Variants in HNRNPL observed in about 807,000 individuals in gnomAD.
The protein encoded by HNRNPL is epididymis secretory sperm binding protein.
In HNRNPL, 12 loss-of-function variants were observed where a neutral mutation model predicts 64.0. That is an observed-to-expected ratio of 0.19 (90% CI 0.12 to 0.30). HNRNPL has a LOEUF of 0.30. Among genes scored for constraint, HNRNPL ranks in the 10% least tolerant of loss-of-function variants. The pLI is 1.00. For missense variants in HNRNPL, 484 were observed against 797.4 expected (o/e 0.61, Z 4.73); for synonymous variants, 385 against 313.0 (o/e 1.23, Z -2.43).
intron 11 of HNRNPL, 33 bp downstream of exon 11, chr19:38,837,561 A>G (rs554861876): frequency 1.2e-6 from 2 of 1,612,354 alleles, no homozygotes; most frequent in African/African-American, 2.7e-5. Flanking sequence ...CCACCATGCA[A>G]TTAGGGCAAG....
chr19:38,839,288 C>G (rs552929532), intron 8 of HNRNPL: 1 of 427,376 alleles, frequency 2.3e-6, no homozygotes, highest in Non-Finnish European at 4.4e-6. Context: ...GAAATCAAAT[C>G]AGCCATTTTC....
intron 10 of HNRNPL, among the ~76,000 whole-genome samples, chr19:38,837,989 C>T (rs1320253029): frequency 2.6e-5 from 4 of 152,200 alleles, no homozygotes; most frequent in African/African-American, 7.2e-5. Context: ...TCCTCCCTTC[C>T]GCTGCCTCAG....
At chr19:38,850,831 A>G (rs1839153350), upstream of HNRNPL, among the ~76,000 whole-genome samples, 1 of 152,148 alleles carries the variant, frequency 6.6e-6, no homozygotes, top group African/African-American at 2.4e-5. Context: ...CTGTCTTCGG[A>G]CCCTGTCCAG....
intron 8 of HNRNPL, chr19:38,839,692 G>A (rs745799035): frequency 4.8e-5 from 10 of 206,710 alleles, no homozygotes; most frequent in Non-Finnish European, 9.9e-5. Flanking sequence ...CCTGGTCTCA[G>A]GTAGACACTC....
In HNRNPL at chr19:38,847,341, C is replaced by A. The variant is rs760598448; in HGVS notation, c.361G>T (p.Ala121Ser). ...CTGATGGGTCCAAACTCCTGCAAGG[C>A]CTCCACAAGGTCTGCTTCCACCACA... ...DGVVEADLVE[A>S]LQEFGPISYV... Residue 121 changes from alanine (A) to serine (S), a missense_variant, in exon 2 of 13, where the codon GCC (alanine) becomes TCC (serine). By Grantham distance (99) the Ala-to-Ser change is moderately conservative. This residue lies in a region of HNRNPL where 23 missense variants were observed against 70.8 expected (regional missense o/e 0.32). Transcript: ENST00000221419. 11 of 1,533,844 alleles carry A rather than the reference C, an allele frequency of 7.2e-6. No individual in the cohort carries two copies. The highest frequency in any genetic ancestry group is 7.9e-6 in the Non-Finnish European group (9 of 1,136,042).
At chr19:38,851,900 C>T (rs1274892773), upstream of HNRNPL, among the ~76,000 whole-genome samples, 1 of 152,138 alleles carries the variant, frequency 6.6e-6, no homozygotes, top group Non-Finnish European at 1.5e-5. Flanking sequence ...CCGACCACGC[C>T]AACGGAACAG....
At chr19:38,841,143 A>G (rs1972104071) in intron 6 of HNRNPL, 1 of 221,814 alleles carries the variant, frequency 4.5e-6, no homozygotes, top group Admixed American at 5.3e-5. Flanking sequence ...AATCAGTTCA[A>G]ATAAGCAATC....
intron 7 of HNRNPL, 31 bp from the exon 8 acceptor site, chr19:38,840,407 C>T (rs1288491064): frequency 4.5e-6 from 7 of 1,565,734 alleles, no homozygotes; most frequent in Admixed American, 1.9e-5. Context: ...AGAGGGAGGA[C>T]GGGTGAGAAT....
chr19:38,839,169 G>A (rs2071954851), intron 8 of HNRNPL, 154 bp from the exon 9 acceptor site: 4 of 870,966 alleles, frequency 4.6e-6, no homozygotes, highest in Non-Finnish European at 7.1e-6. Context: ...CCCACACCAA[G>A]TGCTCAACCC....
In HNRNPL at chr19:38,840,513, G is replaced by A. The variant is rs1355857011; in HGVS notation, c.927C>T (p.Leu309=). ...CATATTCTGCGGGGTGATCTCCCAGGAGAGGGGGCTGCCTCTGGCGTTTGT... is the reference window on the plus strand; with the variant it reads ...CATATTCTGCGGGGTGATCTCCCAGAAGAGGGGGCTGCCTCTGGCGTTTGT... ...NPNKRQRQPP[L]LGDHPAEYGG... is the part of the protein sequence containing the mutation. Residue 309 remains leucine (L), a synonymous_variant, in exon 7 of 13, where the codon CTC becomes CTT. Coordinates refer to ENST00000221419, the MANE Select transcript of HNRNPL (RefSeq NM_001533.3). 3 of 1,593,640 alleles carry A rather than the reference G, an allele frequency of 1.9e-6. No homozygotes were observed. The highest frequency in any genetic ancestry group is 2.6e-6 in the Non-Finnish European group (3 of 1,170,926).
chr19:38,847,620 G>C (rs577823657), intron 1 of HNRNPL, 186 bp from the exon 2 acceptor site: 1 of 359,950 alleles, frequency 2.8e-6, no homozygotes, highest in African/African-American at 2.1e-5. Flanking sequence ...CAGCAGAACA[G>C]TGGTCCTGAG....
chr19:38,849,405 G>GCCGCGTGCCCGGCCCCCACACGCCAGC, intron 1 of HNRNPL: 2 of 358,434 alleles, frequency 5.6e-6, no homozygotes, highest in Non-Finnish European at 1.0e-5. Context: ...AACCGGCCGG[G>GCCGCGTGCCCGGCCCCCACACGCCAGC]CCGCGTGCCC....
chr19:38,837,646 G>A lies in HNRNPL; in HGVS notation c.1563C>T (p.Cys521=), dbSNP rs537258025. Residue 521 remains cysteine (C), a synonymous_variant, in exon 11 of 13, where the codon TGC becomes TGT. Transcript: ENST00000221419. ...EVTEENFFEI[C]DELGVKRPSS... ...ATGGCCGCTTCACTCCCAGCTCATC[G>A]CAGATCTGCAAAAGAAAACAGGTAG... The A allele has an allele frequency of 2.7e-5, 44 of 1,614,076 alleles. No individual in the cohort carries two copies. Among genetic ancestry groups the A allele is most frequent in the South Asian group, 2.5e-4 (23 of 91,076 alleles).
chr19:38,847,223 CA>C, intron 2 of HNRNPL, 92 bp downstream of exon 2: 1 of 603,508 alleles, frequency 1.7e-6, no homozygotes, highest in Middle Eastern at 5.0e-4. Flanking sequence ...AGGATGGCAA[CA>C]AAATCACTAT....
intron 8 of HNRNPL, 78 bp downstream of exon 8, chr19:38,840,017 TC>T (rs1972056772): frequency 3.6e-6 from 5 of 1,377,870 alleles, no homozygotes; most frequent in Admixed American, 3.4e-5. Context: ...CACACCAGGC[TC>T]CCCCCTGGTT....
At chr19:38,849,289 C>G (rs1168571994) in intron 1 of HNRNPL, 1 of 199,114 alleles carries the variant, frequency 5.0e-6, no homozygotes, top group Non-Finnish European at 1.0e-5. Flanking sequence ...AAGGCCGCCG[C>G]CCACCCGTTC....
At chr19:38,840,961 GA>G in intron 6 of HNRNPL, 1 of 213,680 alleles carries the variant, frequency 4.7e-6, no homozygotes, top group Non-Finnish European at 9.3e-6. Flanking sequence ...AGATTAAGAG[GA>G]AAATAACCCC....
chr19:38,841,699 T>C (rs778665012), intron 6 of HNRNPL: 3 of 1,220,358 alleles, frequency 2.5e-6, no homozygotes, highest in Non-Finnish European at 3.2e-6. Flanking sequence ...CACATGGTTT[T>C]ACAGTCATAA....
chr19:38,847,439 G>C lies in HNRNPL; in HGVS notation c.268-5C>G. ...GTGCGGGTCATCGTAGTTCTCCTGA[G>C]AAAGGAAGCAAAAACAAGAATTATT... is the stretch of plus-strand genomic sequence containing the variant. On this transcript the variant is annotated splice_polypyrimidine_tract_variant and splice_region_variant and intron_variant, in intron 1 of 12. Transcript: ENST00000221419. 1 of 1,480,618 alleles carries C rather than the reference G, an allele frequency of 6.8e-7. No individual in the cohort carries two copies. The highest frequency in any genetic ancestry group is 9.1e-7 in the Non-Finnish European group (1 of 1,104,672). 91.7% of individuals were successfully genotyped at this position (1,480,618 alleles called of 1,614,324 possible).
Sources: gnomAD v4.1 joint callset for allele counts (sites outside exome capture counted in the v4.1 genomes callset) on GRCh38, gnomAD v4.1.1 for gene constraint, gnomAD v4.1.1 regional missense constraint, MANE v1.5 for transcripts, NCBI Gene and HGNC (gene_info 2026-07-23, HGNC 2026-07-21) for gene names.